The following CATSPERB variants were observed in gnomAD, a reference collection of about 807,000 sequenced individuals.
CATSPERB encodes the protein cation channel sperm-associated auxiliary subunit beta.
CATSPERB carries 93 observed loss-of-function variants against 128.3 expected under a neutral mutation model. The ratio of observed to expected loss-of-function variants is 0.72; its 90% confidence interval spans 0.61 to 0.86. CATSPERB has a LOEUF of 0.86. Among genes scored for constraint, CATSPERB ranks in the 40% least tolerant of loss-of-function variants. The pLI is 0.00. For missense variants in CATSPERB, 1,153 were observed against 1,329.5 expected (o/e 0.87, Z 2.06); for synonymous variants, 381 against 448.8 (o/e 0.85, Z 1.91).
At chr14:91,694,773 T>C (rs769156548) in intron 7 of CATSPERB, among the ~76,000 whole-genome samples, 10 of 152,186 alleles carry the variant, frequency 6.6e-5, no homozygotes, top group Non-Finnish European at 1.5e-4. Flanking sequence ...CTAAAGTACT[T>C]TGTTCCCCAA....
chr14:91,725,659 T>G (rs1022696865), intron 2 of CATSPERB, among the ~76,000 whole-genome samples: 1 of 152,194 alleles, frequency 6.6e-6, no homozygotes, highest in African/African-American at 2.4e-5. Context: ...CTCAGACTCC[T>G]GCTTAGAAAA....
intron 19 of CATSPERB, 52 bp from the exon 20 acceptor site, chr14:91,617,788 A>C: frequency 8.0e-7 from 1 of 1,251,438 alleles, no homozygotes; most frequent in Non-Finnish European, 1.1e-6. Flanking sequence ...CTGTAAACTC[A>C]ATTGAATAAT....
intron 18 of CATSPERB, among the ~76,000 whole-genome samples, chr14:91,623,875 T>C (rs544268163): frequency 1.3e-5 from 2 of 152,314 alleles, no homozygotes; most frequent in South Asian, 4.1e-4. Flanking sequence ...AGAAACATCC[T>C]ATAGAACATT....
At chr14:91,633,120 T>C (rs1439488517) in intron 17 of CATSPERB, among the ~76,000 whole-genome samples, 1 of 152,210 alleles carries the variant, frequency 6.6e-6, no homozygotes, top group Admixed American at 6.5e-5. Flanking sequence ...CATGTTCAAC[T>C]CTAACTGCTT....
At chr14:91,647,081 T>G (rs1894619240) in intron 15 of CATSPERB, among the ~76,000 whole-genome samples, 1 of 152,166 alleles carries the variant, frequency 6.6e-6, no homozygotes, top group African/African-American at 2.4e-5. Flanking sequence ...TAGCTGGGTG[T>G]GGTGGTGGGC....
chr14:91,605,622 G>C (rs2139772292), intron 22 of CATSPERB, among the ~76,000 whole-genome samples: 1 of 152,266 alleles, frequency 6.6e-6, no homozygotes, highest in Non-Finnish European at 1.5e-5. Context: ...TTATGTTCCA[G>C]GCTGAATGGT....
rs377460093 is a variant in CATSPERB at position 91,598,857 on chromosome 14, CAAAAA to C, written c.2710-6860_2710-6856del. Among the ~76,000 whole-genome samples the C allele has an allele frequency of 5.7e-3, 624 of 110,050 alleles. 8 individuals carry two copies. The highest frequency in any genetic ancestry group is 0.02 in the African/African-American group (575 of 28,544). The allele number at this position is 110,050 out of a possible 152,430, so 72.2% of individuals were successfully genotyped here. A position where few individuals can be genotyped will look rare whatever the true frequency, so the allele number is the denominator to read the frequency against. ...TGGGCAACAGAGCAAGACTCTGTCT[CAAAAA>C]AAAAAAAAAAAAAAGGAAAAAGATT... On this transcript the variant is annotated intron_variant, in intron 22 of 26. Coordinates refer to ENST00000256343, the MANE Select transcript of CATSPERB (RefSeq NM_024764.4).
rs1476590984 is a variant in CATSPERB at position 91,649,311 on chromosome 14, A to ATGT, written c.1433-10062_1433-10061insACA. ...TTCCTTTGCTTTAATACATATACAC[A>ATGT]AACTTAAATGTATACATATATGTGT... On this transcript the variant is annotated intron_variant, in intron 15 of 26. Coordinates refer to ENST00000256343, the MANE Select transcript of CATSPERB (RefSeq NM_024764.4). 2.0e-4 allele frequency among the ~76,000 whole-genome samples: 29 copies of ATGT among 141,656 alleles called. No homozygotes were observed. In the South Asian group the frequency reaches 5.0e-3, roughly 25 times the overall value. 92.9% of individuals were successfully genotyped at this position (141,656 alleles called of 152,430 possible).
chr14:91,691,092 A>G (rs1014544677), intron 10 of CATSPERB, among the ~76,000 whole-genome samples: 3 of 152,186 alleles, frequency 2.0e-5, no homozygotes, highest in African/African-American at 7.2e-5. Context: ...TGTAAGTTAG[A>G]AAAGGTACCC....
chr14:91,691,688 T>C, intron 9 of CATSPERB, 133 bp from the exon 10 acceptor site: 2 of 610,544 alleles, frequency 3.3e-6, no homozygotes, highest in South Asian at 3.2e-5. Flanking sequence ...AATTATATGT[T>C]TTTTCTATCC....
At chr14:91,653,510 T>C (rs1420181408) in intron 15 of CATSPERB, among the ~76,000 whole-genome samples, 1 of 152,046 alleles carries the variant, frequency 6.6e-6, no homozygotes, top group East Asian at 1.9e-4. Context: ...AGACATTTAA[T>C]TAGACTTACA....
At chr14:91,637,942 G>T (rs949453868) in intron 16 of CATSPERB, among the ~76,000 whole-genome samples, 6 of 152,058 alleles carry the variant, frequency 3.9e-5, no homozygotes, top group African/African-American at 1.2e-4. Flanking sequence ...TATAAATGCG[G>T]AATTCACACC....
chr14:91,717,544 T>C (rs1895963323), intron 5 of CATSPERB, among the ~76,000 whole-genome samples: 1 of 152,160 alleles, frequency 6.6e-6, no homozygotes, highest in Admixed American at 6.5e-5. Flanking sequence ...AGTAATAGTA[T>C]CTACCACATA....
At chr14:91,696,122 C>A (rs2139848393) in intron 7 of CATSPERB, among the ~76,000 whole-genome samples, 1 of 152,244 alleles carries the variant, frequency 6.6e-6, no homozygotes, top group South Asian at 2.1e-4. Flanking sequence ...AAGGAGGGGT[C>A]AGCAGCAGCA....
At chr14:91,616,733 C>T (rs1162494006) in intron 20 of CATSPERB, among the ~76,000 whole-genome samples, 1 of 84,482 alleles carries the variant, frequency 1.2e-5, no homozygotes, top group Non-Finnish European at 2.2e-5. Context: ...AAGTATTCCC[C>T]TTTTTTTTTT....
At chr14:91,690,516 G>A (rs1895448026) in intron 10 of CATSPERB, among the ~76,000 whole-genome samples, 1 of 152,110 alleles carries the variant, frequency 6.6e-6, no homozygotes, top group African/African-American at 2.4e-5. Context: ...ATGTCTTTGG[G>A]TGTGAACATT....
intron 22 of CATSPERB, among the ~76,000 whole-genome samples, chr14:91,603,609 A>G (rs1304402261): frequency 2.6e-5 from 4 of 152,208 alleles, no homozygotes; most frequent in Non-Finnish European, 5.9e-5. Context: ...ATTGGCTCAC[A>G]GTTCCACAGG....
Position 91,649,641 on chromosome 14 carries a change from C to T in CATSPERB, c.1432+10196G>A, listed in dbSNP as rs115634418. 1.2e-3 allele frequency among the ~76,000 whole-genome samples: 144 copies of T among 123,570 alleles called. 5 individuals are homozygous for T. The highest frequency in any genetic ancestry group is 3.9e-3 in the African/African-American group (125 of 32,078). 81.1% of individuals were successfully genotyped at this position (123,570 alleles called of 152,430 possible). ...CCTCCCAAGTAGCTGGGATTACAGA[C>T]GCCCGCCAGCATGCACATTTAAAAA... is the stretch of plus-strand genomic sequence containing the variant. On this transcript the variant is annotated intron_variant, in intron 15 of 26. Transcript: ENST00000256343.
chr14:91,675,027 C>A (rs750951674), intron 11 of CATSPERB, among the ~76,000 whole-genome samples: 24 of 152,226 alleles, frequency 1.6e-4, no homozygotes, highest in Non-Finnish European at 2.8e-4. Context: ...ACTTTCCTTT[C>A]ACTGCATCTC....
Sources: gnomAD v4.1 joint callset for allele counts (sites outside exome capture counted in the v4.1 genomes callset) on GRCh38, gnomAD v4.1.1 for gene constraint, MANE v1.5 for transcripts, NCBI Gene and HGNC (gene_info 2026-07-23, HGNC 2026-07-21) for gene names.